Variants in DHRSX observed in about 807,000 individuals in gnomAD.
The protein encoded by DHRSX is dehydrogenase/reductase X-linked.
DHRSX carries 31 observed loss-of-function variants against 34.0 expected under a neutral mutation model. The ratio of observed to expected loss-of-function variants is 0.91; its 90% CI spans 0.69 to 1.23. The LOEUF is 1.23. Among genes scored for constraint, DHRSX ranks in the 50% most tolerant of loss-of-function variants. The pLI, the probability that DHRSX is intolerant of heterozygous loss-of-function variation, is 0.00. For missense variants in DHRSX, 414 were observed against 428.1 expected (o/e 0.97, Z 0.29); for synonymous variants, 201 against 183.8 (o/e 1.09, Z -0.76).
chrX:2,408,097 T>C lies in DHRSX; in HGVS notation c.286+648A>G, dbSNP rs1298500060. Among the ~76,000 whole-genome samples the C allele has an allele frequency of 1.5e-4, 23 of 151,426 alleles. No individual in the cohort carries two copies. The East Asian group carries it at 1.6e-3, about 10-fold the overall frequency. On this transcript the variant is annotated intron_variant, in intron 3 of 6. Coordinates refer to ENST00000334651, the MANE Select transcript of DHRSX (RefSeq NM_145177.3). ...TCTTAAGGGCAAGCATATTCCTGTT[T>C]GATTTATCTTTTTTTCTTTCTTTCT...
chrX:2,248,644 AAAAAG>A (rs1287993340), intron 5 of DHRSX, among the ~76,000 whole-genome samples: 27 of 103,550 alleles, frequency 2.6e-4, no homozygotes, highest in African/African-American at 5.6e-4. Context: ...AAAAGAAAAG[AAAAAG>A]AAAGAAAAGA....
chrX:2,325,394 G>C (rs1300436558), intron 3 of DHRSX, among the ~76,000 whole-genome samples: 28 of 151,876 alleles, frequency 1.8e-4, no homozygotes, highest in Non-Finnish European at 1.5e-5. Flanking sequence ...CAGGAACTAG[G>C]GACTAGACAC....
At position 2,375,148 on chromosome X, in the gene DHRSX, C is replaced by T. The variant is rs757608767; in HGVS notation, c.286+33597G>A. Among the ~76,000 whole-genome samples, 72 of 138,372 alleles carry T rather than the reference C, an allele frequency of 5.2e-4. 4 individuals carry two copies. Among genetic ancestry groups the T allele is most frequent in the African/African-American group, 1.5e-3 (62 of 40,840 alleles). The allele number at this position is 138,372 out of a possible 152,430, so 90.8% of individuals were successfully genotyped here. A position where few individuals can be genotyped will look rare whatever the true frequency, so the allele number is the denominator to read the frequency against. On this transcript the variant is annotated intron_variant, in intron 3 of 6. Coordinates refer to ENST00000334651, the MANE Select transcript of DHRSX (RefSeq NM_145177.3). The stretch of plus-strand genomic sequence containing the variant: ...GACAACACTGTGACTACAGGACAAG[C>T]GGTCACGCTGTCATGGAAGGATGGA...
intron 3 of DHRSX, among the ~76,000 whole-genome samples, chrX:2,341,393 C>A (rs771849050): frequency 6.6e-6 from 1 of 152,148 alleles, no homozygotes; most frequent in African/African-American, 2.4e-5. Flanking sequence ...GGGAAGAATT[C>A]TTCCTGCCTC....
intron 3 of DHRSX, among the ~76,000 whole-genome samples, chrX:2,297,139 T>C (rs1160294489): frequency 6.6e-6 from 1 of 152,246 alleles, no homozygotes; most frequent in Non-Finnish European, 1.5e-5. Context: ...TATGCATTTA[T>C]TGAGACAGGG....
At position 2,362,815 on chromosome X, in the gene DHRSX, G is replaced by A. The variant is rs1324665812; in HGVS notation, c.286+45930C>T. ...GCCGCCATTTTATCACCGTTCTATG[G>A]TATCATGCCTCCATTTTATCACCGT... On this transcript the variant is annotated intron_variant, in intron 3 of 6. Transcript: ENST00000334651. Among the ~76,000 whole-genome samples the A allele has an allele frequency of 1.8e-3, 243 of 132,330 alleles. 1 individual carries two copies. The highest frequency in any genetic ancestry group is 7.3e-3 in the African/African-American group (232 of 31,902). 86.8% of individuals were successfully genotyped at this position (132,330 alleles called of 152,430 possible). A position where few individuals can be genotyped will look rare whatever the true frequency, so the allele number is the denominator to read the frequency against.
chrX:2,482,435 T>C (rs1487302589), intron 1 of DHRSX, among the ~76,000 whole-genome samples: 1 of 152,106 alleles, frequency 6.6e-6, no homozygotes, highest in Non-Finnish European at 1.5e-5. Flanking sequence ...AGCCTATTTT[T>C]ATTTTATTTT....
intron 3 of DHRSX, among the ~76,000 whole-genome samples, chrX:2,387,771 G>A (rs1355150501): frequency 6.6e-6 from 1 of 151,856 alleles, no homozygotes; most frequent in East Asian, 1.9e-4. Flanking sequence ...TCCAAGGGCA[G>A]AAGTTTACAG....
At chrX:2,387,840 G>A (rs1047977281) in intron 3 of DHRSX, among the ~76,000 whole-genome samples, 1 of 128,518 alleles carries the variant, frequency 7.8e-6, no homozygotes, top group Non-Finnish European at 1.6e-5. Context: ...TAACAGGGGT[G>A]AATTTCCTCA....
At chrX:2,387,495 T>C (rs886779303) in intron 3 of DHRSX, among the ~76,000 whole-genome samples, 7 of 152,228 alleles carry the variant, frequency 4.6e-5, no homozygotes, top group South Asian at 2.1e-4. Flanking sequence ...GGGCAGGAAG[T>C]ATCCAGCACA....
chrX:2,325,382 G>T (rs181866184), intron 3 of DHRSX, among the ~76,000 whole-genome samples: 1 of 151,502 alleles, frequency 6.6e-6, no homozygotes, highest in African/African-American at 2.4e-5. Context: ...CCATCTTCCC[G>T]GCAGGAACTA....
intron 1 of DHRSX, among the ~76,000 whole-genome samples, 178 bp from the exon 2 acceptor site, chrX:2,425,482 G>GC (rs1229426526): frequency 2.0e-5 from 3 of 152,010 alleles, no homozygotes; most frequent in African/African-American, 7.2e-5. Context: ...AAGTGGATTC[G>GC]CCCCCAGTAA....
intron 4 of DHRSX, 126 bp from the exon 5 acceptor site, chrX:2,267,073 T>C (rs1440305681): frequency 2.2e-6 from 2 of 905,912 alleles, no homozygotes; most frequent in Non-Finnish European, 3.6e-6. Flanking sequence ...CTGGCGGCCA[T>C]GTCTTCCTCC....
At chrX:2,371,444 T>C (rs868446187) in intron 3 of DHRSX, among the ~76,000 whole-genome samples, 1,679 of 75,412 alleles carry the variant, frequency 0.022, 47 homozygotes, top group African/African-American at 0.077. Flanking sequence ...GACCCTCCTT[T>C]CGTTACTATA....
At chrX:2,493,880 G>A (rs990730042) in intron 1 of DHRSX, among the ~76,000 whole-genome samples, 105 of 152,242 alleles carry the variant, frequency 6.9e-4, no homozygotes, top group Middle Eastern at 6.8e-3. Flanking sequence ...GCTGAGGCAC[G>A]AGAATCGTTT....
intron 5 of DHRSX, among the ~76,000 whole-genome samples, chrX:2,263,291 G>T (rs1214684753): frequency 1.3e-5 from 2 of 152,122 alleles, no homozygotes; most frequent in Non-Finnish European, 2.9e-5. Context: ...CACGATGGGG[G>T]AGACTCAAGT....
chrX:2,282,651 G>GGA (rs1353526373), intron 4 of DHRSX, among the ~76,000 whole-genome samples: 2 of 137,010 alleles, frequency 1.5e-5, no homozygotes, highest in Non-Finnish European at 3.2e-5. Context: ...AGGGAGAGAG[G>GGA]GAGAGAGAGA....
chrX:2,338,720 G>A (rs1313189249), intron 3 of DHRSX, among the ~76,000 whole-genome samples: 4 of 152,054 alleles, frequency 2.6e-5, no homozygotes, highest in African/African-American at 9.7e-5. Flanking sequence ...GAGGTCCTCA[G>A]CAGAGACAGA....
intron 1 of DHRSX, among the ~76,000 whole-genome samples, chrX:2,448,769 T>A (rs1393327368): frequency 6.6e-6 from 1 of 152,128 alleles, no homozygotes; most frequent in Non-Finnish European, 1.5e-5. Context: ...GCAAAACAAG[T>A]CCCAGTTTTG....
Sources: gnomAD v4.1 joint callset for allele counts (sites outside exome capture counted in the v4.1 genomes callset) on GRCh38, gnomAD v4.1.1 for gene constraint, MANE v1.5 for transcripts, NCBI Gene and HGNC (gene_info 2026-07-23, HGNC 2026-07-21) for gene names.